Variants in LPAR3 observed in about 807,000 individuals in gnomAD.
LPAR3 encodes the protein LPA receptor 3.
Under a neutral mutation model 17.8 loss-of-function variants are expected in LPAR3, and 7 were observed. The ratio of observed to expected loss-of-function variants is 0.39; its 90% CI spans 0.22 to 0.74. The LOEUF (loss-of-function observed/expected upper bound fraction) is 0.74, where lower values mean the gene tolerates loss of function less well. LPAR3 is among the 30% of genes least tolerant of loss of function. The pLI is 0.40. For synonymous variants in LPAR3, 179 were observed against 179.9 expected (o/e 0.99, Z 0.04); for missense variants, 391 against 453.4 (o/e 0.86, Z 1.25).
At chr1:84,858,164 G>C (rs1009985058) in intron 2 of LPAR3, among the ~76,000 whole-genome samples, 1 of 151,884 alleles carries the variant, frequency 6.6e-6, no homozygotes, top group African/African-American at 2.4e-5. Flanking sequence ...CAGAGACCTC[G>C]GCTTCTCATA....
At chr1:84,833,115 A>T (rs779808161) in intron 2 of LPAR3, among the ~76,000 whole-genome samples, 2 of 152,198 alleles carry the variant, frequency 1.3e-5, no homozygotes, top group African/African-American at 2.4e-5. Context: ...CAAACACCCT[A>T]AGTTCAGTAA....
intron 2 of LPAR3, among the ~76,000 whole-genome samples, chr1:84,857,497 T>C (rs1659851363): frequency 6.6e-6 from 1 of 152,160 alleles, no homozygotes; most frequent in Non-Finnish European, 1.5e-5. Flanking sequence ...CCCCTATTCT[T>C]ACCAATGATT....
At chr1:84,836,108 G>A (rs773456043) in intron 2 of LPAR3, among the ~76,000 whole-genome samples, 14 of 146,282 alleles carry the variant, frequency 9.6e-5, no homozygotes, top group Non-Finnish European at 1.3e-4. Flanking sequence ...AGGCCAAGGC[G>A]GGCAAACTGC....
At chr1:84,854,942 T>C (rs1659789209) in intron 2 of LPAR3, among the ~76,000 whole-genome samples, 1 of 152,200 alleles carries the variant, frequency 6.6e-6, no homozygotes, top group Non-Finnish European at 1.5e-5. Flanking sequence ...CTCAACAGTA[T>C]TGATTCTTTG....
chr1:84,836,348 A>AAC (rs1659404671), intron 2 of LPAR3, among the ~76,000 whole-genome samples: 1 of 151,274 alleles, frequency 6.6e-6, no homozygotes, highest in Non-Finnish European at 1.5e-5. Flanking sequence ...TAAAAAAAAA[A>AAC]AAAAAAAAAC....
chr1:84,849,372 CAAAAAA>C (rs34239236), intron 2 of LPAR3, among the ~76,000 whole-genome samples: 5 of 77,542 alleles, frequency 6.4e-5, no homozygotes, highest in African/African-American at 2.6e-4. Flanking sequence ...AGACTCATCT[CAAAAAA>C]AAAAAAAAAA....
rs1658829770 is a variant in LPAR3 at position 84,812,335 on chromosome 1, A to T, written c.*1511T>A. On this transcript the variant is annotated 3_prime_UTR_variant, in exon 3 of 3. Coordinates refer to ENST00000370611, the MANE Select transcript of LPAR3 (RefSeq NM_012152.3). ...ACTGGAAAGTCTAGGTGGCCCGTGAATTGATTTCACCTTCGCTGTCCTTCG... is the reference window on the plus strand; with the variant it reads ...ACTGGAAAGTCTAGGTGGCCCGTGATTTGATTTCACCTTCGCTGTCCTTCG... The T allele has an allele frequency of 6.6e-6, 1 of 151,956 alleles. No individual in the cohort carries two copies. The highest frequency in any genetic ancestry group is 2.4e-5 in the African/African-American group (1 of 41,348). 9.4% of individuals were successfully genotyped at this position (151,956 alleles called of 1,614,324 possible). A position where few individuals can be genotyped will look rare whatever the true frequency, so the allele number is the denominator to read the frequency against.
intron 2 of LPAR3, among the ~76,000 whole-genome samples, chr1:84,850,460 G>A (rs192902222): frequency 4.6e-5 from 7 of 151,610 alleles, no homozygotes; most frequent in African/African-American, 1.5e-4. Flanking sequence ...GGTGGTGTGC[G>A]CCTGTACTCC....
chr1:84,877,727 G>T (rs1376834994), intron 1 of LPAR3, among the ~76,000 whole-genome samples: 1 of 152,158 alleles, frequency 6.6e-6, no homozygotes, highest in Non-Finnish European at 1.5e-5. Flanking sequence ...AGGAGGTGGG[G>T]TGGGGAGTCC....
chr1:84,842,542 A>C (rs1659522773), intron 2 of LPAR3, among the ~76,000 whole-genome samples: 1 of 152,228 alleles, frequency 6.6e-6, no homozygotes, highest in Non-Finnish European at 1.5e-5. Flanking sequence ...AATGCACTTA[A>C]GTAGATTAGT....
intron 1 of LPAR3, among the ~76,000 whole-genome samples, chr1:84,880,263 C>T (rs1374663410): frequency 6.6e-6 from 1 of 152,210 alleles, no homozygotes; most frequent in Non-Finnish European, 1.5e-5. Flanking sequence ...AGAACCAGAA[C>T]ATGAGCTTGT....
At position 84,813,811 on chromosome 1, in the gene LPAR3, G is replaced by C. The variant is rs1658869261; in HGVS notation, c.*35C>G. 7 of 1,548,250 alleles carry C rather than the reference G, an allele frequency of 4.5e-6. No individual in the cohort carries two copies. In the East Asian group the frequency reaches 1.4e-4, roughly 30 times the overall value. On this transcript the variant is annotated 3_prime_UTR_variant, in exon 3 of 3. Coordinates refer to ENST00000370611, the MANE Select transcript of LPAR3 (RefSeq NM_012152.3). ...ATCATTCTTAACAGCTCTTTTCCCAGAGGAGGCCTGGGTGGGCCGAGAGGC... is the reference window on the plus strand; with the variant it reads ...ATCATTCTTAACAGCTCTTTTCCCACAGGAGGCCTGGGTGGGCCGAGAGGC...
At chr1:84,872,464 C>A (rs1305257567) in intron 1 of LPAR3, among the ~76,000 whole-genome samples, 1 of 152,044 alleles carries the variant, frequency 6.6e-6, no homozygotes. Flanking sequence ...AGTATGAACA[C>A]CAGAAACAAA....
rs577562712 is a variant in LPAR3, at chr1:84,889,455, G to A, written c.-19+3561C>T. Among the ~76,000 whole-genome samples, 5 of 152,308 alleles carry A rather than the reference G, an allele frequency of 3.3e-5. No individual in the cohort carries two copies. In the East Asian group the frequency reaches 9.6e-4, roughly 29 times the overall value. Reference sequence around the variant, plus strand: ...TGACCTGTGGGATGGGTGGTGGCCAGCTGTTTGTGTTTGTCCACTAAGAAC... The same window carrying A: ...TGACCTGTGGGATGGGTGGTGGCCAACTGTTTGTGTTTGTCCACTAAGAAC... On this transcript the variant is annotated intron_variant, in intron 1 of 2. Transcript: ENST00000370611.
chr1:84,814,141 A>G lies in LPAR3; in HGVS notation c.767T>C (p.Leu256Pro). 1.2e-6 allele frequency: 2 copies of G among 1,614,116 alleles called. No homozygotes were observed. The highest frequency in any genetic ancestry group is 1.1e-5 in the South Asian group (1 of 91,068). The change falls in exon 3 of 3, where the codon CTG becomes CCG. Residue 256 changes from leucine (L) to proline (P), a missense_variant. Physicochemically the swap from Leu to Pro is moderately conservative, Grantham distance 98 (BLOSUM62 -3). Coordinates refer to ENST00000370611, the MANE Select transcript of LPAR3 (RefSeq NM_012152.3). ...GAFVVCWTPG[L>P]VVLLLDGLNC... ...CAGGCCGTCGAGGAGCAGAACCACC[A>G]GGCCCGGGGTCCAGCATACCACAAA...
At chr1:84,837,491 A>G (rs1300616129) in intron 2 of LPAR3, among the ~76,000 whole-genome samples, 1 of 152,220 alleles carries the variant, frequency 6.6e-6, no homozygotes, top group Non-Finnish European at 1.5e-5. Flanking sequence ...TAGAAAAAAA[A>G]CAAGACAACA....
chr1:84,814,886 TGAATATGA>T (rs1183083366), intron 2 of LPAR3, among the ~76,000 whole-genome samples: 3 of 152,212 alleles, frequency 2.0e-5, no homozygotes, highest in Non-Finnish European at 2.9e-5. Context: ...ACTCTGCAAT[TGAATATGA>T]ACCGTAGTCT....
intron 1 of LPAR3, among the ~76,000 whole-genome samples, chr1:84,883,202 G>A (rs919480449): frequency 2.6e-5 from 4 of 152,222 alleles, no homozygotes; most frequent in African/African-American, 9.6e-5. Flanking sequence ...GTCAGAGAAA[G>A]TCCACTGAGC....
chr1:84,842,723 T>C (rs1659527076), intron 2 of LPAR3, among the ~76,000 whole-genome samples: 1 of 152,234 alleles, frequency 6.6e-6, no homozygotes, highest in Non-Finnish European at 1.5e-5. Context: ...GGGAGTTCTT[T>C]TCAGAAGTAG....
Sources: allele counts gnomAD v4.1 joint callset (sites outside exome capture counted in the v4.1 genomes callset), GRCh38; gene constraint gnomAD v4.1.1; transcripts MANE v1.5; gene names NCBI Gene and HGNC (gene_info 2026-07-23, HGNC 2026-07-21).